TRPM7: variants seen among roughly 807,000 people sequenced by gnomAD.
TRPM7 encodes the protein transient receptor potential cation channel subfamily M member 7, also known as LTRPC ion channel family member 7.
TRPM7 carries 134 observed loss-of-function variants against 229.7 expected under a neutral mutation model. The ratio of observed to expected loss-of-function variants is 0.58; its 90% confidence interval spans 0.51 to 0.67. The LOEUF is 0.67. Among genes scored for constraint, TRPM7 ranks in the 30% least tolerant of loss-of-function variants. TRPM7 has a pLI of 0.00. For missense variants in TRPM7, 1,901 were observed against 2,210.0 expected (o/e 0.86, Z 2.80); for synonymous variants, 699 against 715.2 (o/e 0.98, Z 0.36).
At chr15:50,614,473 A>C (rs976515758) in intron 13 of TRPM7, among the ~76,000 whole-genome samples, 2 of 151,904 alleles carry the variant, frequency 1.3e-5, no homozygotes, top group African/African-American at 2.4e-5. Flanking sequence ...GATCAGCCTG[A>C]CCAACATGAT....
At chr15:50,617,214 G>A (rs1006883563) in intron 13 of TRPM7, among the ~76,000 whole-genome samples, 1 of 151,744 alleles carries the variant, frequency 6.6e-6, no homozygotes, top group Non-Finnish European at 1.5e-5. Flanking sequence ...GTGTGCGCCT[G>A]TAGTCCCAGC....
Position 50,592,497 on chromosome 15 carries a change from T to A in TRPM7, c.3738A>T (p.Leu1246Phe). The A allele has an allele frequency of 6.2e-7, 1 of 1,614,154 alleles. No individual in the cohort carries two copies. The highest frequency in any genetic ancestry group is 2.2e-5 in the East Asian group (1 of 44,872). ...ACGCTTTCTGGGCAGTGAGTGTTTT[T>A]AATGTATCTACCGTCAGGGCTGAAA... ...QDLSALTVDT[L>F]KTLTAQKASE... is the part of the protein sequence containing the mutation. The change falls in exon 26 of 39, where the codon TTA (leucine) becomes TTT (phenylalanine). Residue 1246 changes from leucine to phenylalanine, a missense_variant. Transcript: ENST00000646667.
At chr15:50,617,188 T>A (rs2060248299) in intron 13 of TRPM7, among the ~76,000 whole-genome samples, 1 of 150,174 alleles carries the variant, frequency 6.7e-6, no homozygotes, top group Non-Finnish European at 1.5e-5. Context: ...ATAAAATAAA[T>A]TAGCCAGGCA....
At chr15:50,672,432 T>C (rs1455003055) in intron 1 of TRPM7, among the ~76,000 whole-genome samples, 1 of 151,842 alleles carries the variant, frequency 6.6e-6, no homozygotes, top group Non-Finnish European at 1.5e-5. Flanking sequence ...AAGGCACTGT[T>C]ATCATAGAAA....
At chr15:50,662,728 G>C (rs980671716) in intron 2 of TRPM7, among the ~76,000 whole-genome samples, 1 of 152,146 alleles carries the variant, frequency 6.6e-6, no homozygotes, top group East Asian at 1.9e-4. Flanking sequence ...TTTAGAGATG[G>C]AGGAACACTT....
At chr15:50,567,451 C>T (rs1286047834) in intron 38 of TRPM7, among the ~76,000 whole-genome samples, 2 of 151,852 alleles carry the variant, frequency 1.3e-5, no homozygotes, top group Non-Finnish European at 2.9e-5. Context: ...AATCTATTCC[C>T]GAAAATAAAA....
intron 1 of TRPM7, among the ~76,000 whole-genome samples, chr15:50,679,526 A>G: frequency 2.2e-5 from 1 of 46,176 alleles, no homozygotes; most frequent in Admixed American, 1.8e-4. Flanking sequence ...ATATATATAT[A>G]TATATATATA....
chr15:50,608,798 G>C (rs1009038350), intron 19 of TRPM7, among the ~76,000 whole-genome samples: 1 of 152,112 alleles, frequency 6.6e-6, no homozygotes, highest in African/African-American at 2.4e-5. Context: ...TTCCTATGAC[G>C]GGGAGTTAAG....
chr15:50,638,141 T>A (rs12902401), intron 6 of TRPM7, among the ~76,000 whole-genome samples: 8 of 149,602 alleles, frequency 5.3e-5, no homozygotes, highest in Admixed American at 2.0e-4. Flanking sequence ...GGGCGGATCA[T>A]GAGGTCAGGA....
At chr15:50,663,113 T>C in intron 1 of TRPM7, 67 bp from the exon 2 acceptor site, 2 of 1,236,272 alleles carry the variant, frequency 1.6e-6, no homozygotes, top group Non-Finnish European at 2.3e-6. Flanking sequence ...AACAATTTCA[T>C]GATAAACACA....
chr15:50,630,329 T>C (rs886487019), intron 10 of TRPM7, among the ~76,000 whole-genome samples: 1 of 152,208 alleles, frequency 6.6e-6, no homozygotes, highest in Non-Finnish European at 1.5e-5. Context: ...TATGGTCTAA[T>C]ATGCAAGAAA....
rs371639435 is a variant in TRPM7, at chr15:50,567,863, C to T, written c.5467+2024G>A. Among the ~76,000 whole-genome samples, 10 of 151,568 alleles carry T rather than the reference C, an allele frequency of 6.6e-5. No homozygotes were observed. In the East Asian group the frequency reaches 7.7e-4, roughly 12 times the overall value. The stretch of plus-strand genomic sequence containing the variant: ...CAGCACTTTGGGAGGCCGAGGCAGG[C>T]GGATCACAAGGTCAGGAGATCGAGA... On this transcript the variant is annotated intron_variant, in intron 38 of 38. Transcript: ENST00000646667.
intron 6 of TRPM7, 54 bp from the exon 7 acceptor site, chr15:50,637,647 T>TA: frequency 6.9e-7 from 1 of 1,445,864 alleles, no homozygotes; most frequent in Non-Finnish European, 9.3e-7. Flanking sequence ...CAGTATGATG[T>TA]AAAATAAATT....
At chr15:50,577,797 T>C (rs1487200230) in intron 31 of TRPM7, among the ~76,000 whole-genome samples, 7 of 152,104 alleles carry the variant, frequency 4.6e-5, no homozygotes, top group Admixed American at 4.6e-4. Flanking sequence ...AGCCATACAG[T>C]GGAAGCTACT....
chr15:50,667,254 T>C (rs1442412674), intron 1 of TRPM7, among the ~76,000 whole-genome samples: 1 of 152,162 alleles, frequency 6.6e-6, no homozygotes, highest in Non-Finnish European at 1.5e-5. Flanking sequence ...ACTGAACGCT[T>C]TCCTCGCCCT....
At chr15:50,644,228 G>GA (rs911429570) in intron 4 of TRPM7, among the ~76,000 whole-genome samples, 16 of 151,652 alleles carry the variant, frequency 1.1e-4, no homozygotes, top group African/African-American at 3.1e-4. Flanking sequence ...TAGAAAAATA[G>GA]AAAAAAAAGC....
At chr15:50,679,539 T>TATA (rs1491586861) in intron 1 of TRPM7, among the ~76,000 whole-genome samples, 14 of 22,292 alleles carry the variant, frequency 6.3e-4, no homozygotes, top group African/African-American at 2.3e-3. Flanking sequence ...TATATATATA[T>TATA]TTTTTTTTTT....
chr15:50,636,883 T>A (rs1024914039), intron 7 of TRPM7, among the ~76,000 whole-genome samples: 1 of 152,084 alleles, frequency 6.6e-6, no homozygotes, highest in Non-Finnish European at 1.5e-5. Context: ...TAATCCCAGC[T>A]CTTTGGGAGG....
Position 50,634,503 on chromosome 15 carries a change from C to G in TRPM7, c.886G>C (p.Val296Leu). ...AGGTATTCAAGAACTGTGAGGATAA[C>G]ATTTGGCCCACCCTCAAATATAAGT... Reference protein sequence around the residue: ...VALIFEGGPNVILTVLEYLQE... With the variant: ...VALIFEGGPNLILTVLEYLQE... The change falls in exon 8 of 39, where the codon GTT (valine) becomes CTT (leucine). Residue 296 changes from valine to leucine, a missense_variant. Around this residue, in one of 8 missense-constraint regions of TRPM7, gnomAD observed 794 missense variants for 881.9 expected, o/e 0.90. Coordinates refer to ENST00000646667, the MANE Select transcript of TRPM7 (RefSeq NM_017672.6). 6.4e-7 allele frequency: 1 copy of G among 1,572,332 alleles called. No individual in the cohort carries two copies. Among genetic ancestry groups the G allele is most frequent in the South Asian group, 1.2e-5 (1 of 83,836 alleles).
Sources: allele counts gnomAD v4.1 joint callset (sites outside exome capture counted in the v4.1 genomes callset), GRCh38; gene constraint gnomAD v4.1.1; regional missense constraint gnomAD v4.1.1; transcripts MANE v1.5; gene names NCBI Gene and HGNC (gene_info 2026-07-23, HGNC 2026-07-21).